The following C3orf20 variants were observed in gnomAD, a reference collection of about 807,000 sequenced individuals.
C3orf20 encodes uncharacterized protein C3orf20.
Under a neutral mutation model 88.3 loss-of-function variants are expected in C3orf20, and 76 were observed. That is an observed-to-expected ratio of 0.86 (90% CI 0.72 to 1.04). The LOEUF (loss-of-function observed/expected upper bound fraction) is 1.04, where lower values mean the gene tolerates loss of function less well. C3orf20 is among the 50% of genes least tolerant of loss of function. The pLI is 0.00. For missense variants in C3orf20, 1,056 were observed against 1,123.3 expected (o/e 0.94, Z 0.86); for synonymous variants, 436 against 437.4 (o/e 1.00, Z 0.04).
intron 9 of C3orf20, among the ~76,000 whole-genome samples, chr3:14,719,143 A>G (rs1365781870): frequency 9.5e-6 from 1 of 105,086 alleles, no homozygotes; most frequent in African/African-American, 3.6e-5. Flanking sequence ...TTTTTTTTTT[A>G]ATTTTTTCAA....
At chr3:14,756,286 C>G (rs528184267) in intron 12 of C3orf20, among the ~76,000 whole-genome samples, 55 of 151,844 alleles carry the variant, frequency 3.6e-4, no homozygotes, top group African/African-American at 1.2e-3. Flanking sequence ...ATACCACAAC[C>G]CTCACAACAA....
intron 12 of C3orf20, among the ~76,000 whole-genome samples, chr3:14,745,207 G>A (rs1004191225): frequency 6.6e-6 from 1 of 152,238 alleles, no homozygotes; most frequent in South Asian, 2.1e-4. Flanking sequence ...GAGAGAGAGA[G>A]CAGTGAGGGA....
At chr3:14,688,797 A>G (rs1004716124) in intron 4 of C3orf20, among the ~76,000 whole-genome samples, 2 of 151,758 alleles carry the variant, frequency 1.3e-5, no homozygotes, top group African/African-American at 2.4e-5. Flanking sequence ...TCGTGTATGT[A>G]TATATATATA....
At chr3:14,698,489 A>T (rs2033107077) in intron 5 of C3orf20, among the ~76,000 whole-genome samples, 1 of 152,196 alleles carries the variant, frequency 6.6e-6, no homozygotes, top group Admixed American at 6.5e-5. Flanking sequence ...ATTAGGGGGC[A>T]CCCCAAGCCC....
chr3:14,720,249 C>T (rs2034104263), intron 9 of C3orf20, among the ~76,000 whole-genome samples: 1 of 152,130 alleles, frequency 6.6e-6, no homozygotes, highest in Non-Finnish European at 1.5e-5. Context: ...CCAGGATGGT[C>T]TCGATCTCCT....
At chr3:14,753,105 T>C (rs538156058) in intron 12 of C3orf20, among the ~76,000 whole-genome samples, 1 of 152,240 alleles carries the variant, frequency 6.6e-6, no homozygotes, top group African/African-American at 2.4e-5. Context: ...CCATCAATAA[T>C]AGACTGGATA....
At chr3:14,765,243 G>A (rs1209376482) in intron 15 of C3orf20, 1 of 152,298 alleles carries the variant, frequency 6.6e-6, no homozygotes. Context: ...TTGCTGATCA[G>A]TTGTGCCCTT....
Position 14,721,984 on chromosome 3 carries a change from G to T in C3orf20, c.1566+200G>T, listed in dbSNP as rs557450330. 2.0e-4 allele frequency: 119 copies of T among 599,288 alleles called. No homozygotes were observed. In the East Asian group the frequency reaches 3.5e-3, roughly 18 times the overall value. The allele number at this position is 599,288 out of a possible 1,614,324, so 37.1% of individuals were successfully genotyped here. A position where few individuals can be genotyped will look rare whatever the true frequency, so the allele number is the denominator to read the frequency against. The stretch of plus-strand genomic sequence containing the variant: ...TCTTATATCAATTAAGGGTCTTCCA[G>T]TTGTAAGTGACAGAATCCAGTGTGG... On this transcript the variant is annotated intron_variant, in intron 10 of 16. Coordinates refer to ENST00000253697, the MANE Select transcript of C3orf20 (RefSeq NM_032137.5).
chr3:14,761,328 C>G, intron 14 of C3orf20, 145 bp from the exon 15 acceptor site: 1 of 938,496 alleles, frequency 1.1e-6, no homozygotes, highest in East Asian at 2.6e-5. Context: ...ACTCCTTCCC[C>G]AGCCACCCCA....
At position 14,682,639 on chromosome 3, in the gene C3orf20, G is replaced by A. The variant is rs2032154643; in HGVS notation, c.-75G>A. The A allele has an allele frequency of 1.3e-6, 2 of 1,523,000 alleles. No individual in the cohort carries two copies. Among genetic ancestry groups the A allele is most frequent in the East Asian group, 4.5e-5 (2 of 44,284 alleles). The allele number at this position is 1,523,000 out of a possible 1,614,324, so 94.3% of individuals were successfully genotyped here. A position where few individuals can be genotyped will look rare whatever the true frequency, so the allele number is the denominator to read the frequency against. The stretch of plus-strand genomic sequence containing the variant: ...GCACATCCATTCTGTCCATCTCCAA[G>A]CCTTCACCGTAGGGAAGAACTTTTG... On this transcript the variant is annotated 5_prime_UTR_variant, in exon 3 of 17. Transcript: ENST00000253697.
At chr3:14,684,177 T>A (rs1484421664) in intron 3 of C3orf20, 65 bp from the exon 4 acceptor site, 1 of 1,588,430 alleles carries the variant, frequency 6.3e-7, no homozygotes, top group Non-Finnish European at 8.6e-7. Flanking sequence ...TTTACAGAGG[T>A]CCTTTTCTGG....
At chr3:14,717,819 A>G (rs2033995676) in intron 9 of C3orf20, among the ~76,000 whole-genome samples, 1 of 152,004 alleles carries the variant, frequency 6.6e-6, no homozygotes, top group Admixed American at 6.6e-5. Context: ...CTCTTTATTA[A>G]AGGATATTTT....
At chr3:14,729,703 G>C (rs1301536166) in intron 12 of C3orf20, among the ~76,000 whole-genome samples, 1 of 152,034 alleles carries the variant, frequency 6.6e-6, no homozygotes, top group Non-Finnish European at 1.5e-5. Flanking sequence ...GCACCACCAC[G>C]CCTGCCTAAG....
rs1439179242 is a variant in C3orf20, at chr3:14,768,323, C to T, written c.2496-3744C>T. Among the ~76,000 whole-genome samples the T allele has an allele frequency of 1.3e-5, 2 of 151,970 alleles. No individual in the cohort carries two copies. Among genetic ancestry groups the T allele is most frequent in the African/African-American group, 2.4e-5 (1 of 41,302 alleles). ...CCGTGCTCAGCAAGGAGCCAGCCACCGCCAGGCCCTCCCTCTATGATGCTG... is the reference window on the plus strand; with the variant it reads ...CCGTGCTCAGCAAGGAGCCAGCCACTGCCAGGCCCTCCCTCTATGATGCTG... On this transcript the variant is annotated intron_variant, in intron 15 of 16. Transcript: ENST00000253697. The surrounding 1 kb of genome is among the most constrained non-coding windows in gnomAD (Gnocchi z 4.1).
Position 14,704,522 on chromosome 3 carries a change from C to T in C3orf20, c.1064C>T (p.Ala355Val), listed in dbSNP as rs745345992. Residue 355 changes from alanine (A) to valine (V), a missense_variant, in exon 7 of 17, where the codon GCC becomes GTC. Physicochemically the swap from Ala to Val is moderately conservative, Grantham distance 64. Transcript: ENST00000253697. ...AGCCCCACCTCTCACCCATCTTCTGCCAACCATCATTTCAGTCAGCATTGT... is the reference window on the plus strand; with the variant it reads ...AGCCCCACCTCTCACCCATCTTCTGTCAACCATCATTTCAGTCAGCATTGT... ...TLSPTSHPSS[A>V]NHHFSQHCQE... is the part of the protein sequence containing the mutation. The T allele has an allele frequency of 2.5e-5, 40 of 1,614,050 alleles. No individual in the cohort carries two copies. The highest frequency in any genetic ancestry group is 3.4e-5 in the Non-Finnish European group (40 of 1,180,036).
chr3:14,715,421 C>A lies in C3orf20; in HGVS notation c.1434+12C>A, dbSNP rs370020944. ...CCCTGGAATACAAGGTAGGGATGGG[C>A]AGCACAGGTTGGGTGGCAGTGAGCA... On this transcript the variant is annotated intron_variant, in intron 9 of 16. Transcript: ENST00000253697. 11 of 1,608,110 alleles carry A rather than the reference C, an allele frequency of 6.8e-6. No homozygotes were observed. The highest frequency in any genetic ancestry group is 9.3e-6 in the Non-Finnish European group (11 of 1,177,642).
intron 5 of C3orf20, among the ~76,000 whole-genome samples, chr3:14,694,063 C>G (rs560107943): frequency 6.5e-4 from 99 of 152,180 alleles, no homozygotes; most frequent in Non-Finnish European, 1.2e-3. Context: ...GATGAATGAT[C>G]TTGATCTTTT....
At chr3:14,763,681 C>G (rs1476784486) in intron 15 of C3orf20, among the ~76,000 whole-genome samples, 1 of 152,142 alleles carries the variant, frequency 6.6e-6, no homozygotes, top group Non-Finnish European at 1.5e-5. Flanking sequence ...GTCCGGCCAC[C>G]TTTCATAGCT....
intron 15 of C3orf20, among the ~76,000 whole-genome samples, chr3:14,771,762 CT>C (rs146346219): frequency 0.064 from 9,800 of 152,258 alleles, 1,042 homozygotes; most frequent in African/African-American, 0.22. Context: ...CCTTTGCCCC[CT>C]GTCATCTCTC....
Sources: allele counts gnomAD v4.1 joint callset (sites outside exome capture counted in the v4.1 genomes callset), GRCh38; gene constraint gnomAD v4.1.1; non-coding constraint Gnocchi (gnomAD v3.1); transcripts MANE v1.5; gene names NCBI Gene and HGNC (gene_info 2026-07-23, HGNC 2026-07-21).